CADM2: variants seen among roughly 807,000 people sequenced by gnomAD.
The protein encoded by CADM2 is cell adhesion molecule 2, also known as immunoglobulin superfamily member 4D.
In CADM2, 12 loss-of-function variants were observed where a neutral mutation model predicts 49.8. That is an observed-to-expected ratio of 0.24 (90% CI 0.15 to 0.39). The LOEUF (loss-of-function observed/expected upper bound fraction) is 0.39. Ranked by LOEUF, CADM2 falls within the 10% of genes least tolerant of loss-of-function variation. The pLI is 1.00. For missense variants in CADM2, 378 were observed against 492.3 expected (o/e 0.77, Z 2.20); for synonymous variants, 214 against 175.4 (o/e 1.22, Z -1.74).
At chr3:85,321,090 A>G (rs1282173775) in intron 1 of CADM2, among the ~76,000 whole-genome samples, 1 of 66,448 alleles carries the variant, frequency 1.5e-5, no homozygotes, top group African/African-American at 5.5e-5. Flanking sequence ...ATAGATATAT[A>G]CATATATATA....
chr3:85,736,790 T>C (rs981747709), intron 2 of CADM2, among the ~76,000 whole-genome samples: 3 of 152,010 alleles, frequency 2.0e-5, no homozygotes, highest in Non-Finnish European at 4.4e-5. Context: ...TGGCTGCTCA[T>C]GAAAAAACAG....
chr3:85,689,898 T>A (rs184000540), intron 1 of CADM2, among the ~76,000 whole-genome samples: 1 of 152,122 alleles, frequency 6.6e-6, no homozygotes, highest in Admixed American at 6.5e-5. Flanking sequence ...TAGTAAGAAG[T>A]TTGGTAAGAC....
chr3:85,193,368 TAAA>T (rs5850677), intron 1 of CADM2, among the ~76,000 whole-genome samples: 1 of 151,624 alleles, frequency 6.6e-6, no homozygotes, highest in African/African-American at 2.4e-5. Flanking sequence ...TAAAAAATCT[TAAA>T]AAATTTAGCA....
chr3:85,318,485 A>C lies in CADM2; in HGVS notation c.61+358817A>C, dbSNP rs775550815. Among the ~76,000 whole-genome samples, 23 of 152,284 alleles carry C rather than the reference A, an allele frequency of 1.5e-4. 1 individual carries two copies. Among genetic ancestry groups the C allele is most frequent in the South Asian group, 8.3e-4 (4 of 4,830 alleles). Reference sequence around the variant, plus strand: ...ATTCTGAACCTAGAGCCATCTTAGTAAAATTGCCAAAAACCAAACAGAAAA... The same window carrying C: ...ATTCTGAACCTAGAGCCATCTTAGTCAAATTGCCAAAAACCAAACAGAAAA... On this transcript the variant is annotated intron_variant, in intron 1 of 9. Coordinates refer to ENST00000383699, the MANE Select transcript of CADM2 (RefSeq NM_001167675.2).
At chr3:85,617,703 C>T (rs959804041) in intron 1 of CADM2, among the ~76,000 whole-genome samples, 1 of 152,116 alleles carries the variant, frequency 6.6e-6, no homozygotes, top group Non-Finnish European at 1.5e-5. Context: ...GACCAGTTCC[C>T]ATCCTGAAGC....
intron 3 of CADM2, among the ~76,000 whole-genome samples, chr3:85,861,641 T>C (rs2075538417): frequency 1.3e-5 from 2 of 152,110 alleles, no homozygotes; most frequent in African/African-American, 4.8e-5. Flanking sequence ...TTAAACATAT[T>C]AGCTTATATT....
At chr3:85,135,572 C>A (rs1402146540) in intron 1 of CADM2, among the ~76,000 whole-genome samples, 1 of 152,058 alleles carries the variant, frequency 6.6e-6, no homozygotes, top group Non-Finnish European at 1.5e-5. Flanking sequence ...AGAATACCAT[C>A]ACTGCTTTAC....
In CADM2 at chr3:85,512,019, A is replaced by T. The variant is rs139865876; in HGVS notation, c.62-214503A>T. ...TCTTTTAAAATTTTTTTCAACTCTCATTACATTCACAGGGTACATGTACAG... is the reference window on the plus strand; with the variant it reads ...TCTTTTAAAATTTTTTTCAACTCTCTTTACATTCACAGGGTACATGTACAG... On this transcript the variant is annotated intron_variant, in intron 1 of 9. Transcript: ENST00000383699. 482 of 264,018 alleles carry T rather than the reference A, an allele frequency of 1.8e-3. 4 individuals are homozygous for T. The highest frequency in any genetic ancestry group is 0.011 in the African/African-American group (461 of 43,476). 16.4% of individuals were successfully genotyped at this position (264,018 alleles called of 1,614,324 possible).
intron 1 of CADM2, among the ~76,000 whole-genome samples, chr3:85,344,252 G>C (rs1477577857): frequency 6.6e-6 from 1 of 151,636 alleles, no homozygotes. Context: ...GTGGTGGCAG[G>C]CACCTGTAGT....
At chr3:84,992,662 G>T (rs193288185) in intron 1 of CADM2, among the ~76,000 whole-genome samples, 3 of 152,034 alleles carry the variant, frequency 2.0e-5, no homozygotes, top group African/African-American at 7.2e-5. Flanking sequence ...CAAATAACTA[G>T]TTTTTTTGGT....
rs549051882 is a variant in CADM2, at chr3:86,068,495, A to C, written c.*1712A>C. ...CATGATGGCCTATGGTTTTAAAAAT[A>C]GTATTGTGGAATATATTTTTGGGTA... On this transcript the variant is annotated 3_prime_UTR_variant, in exon 10 of 10. Coordinates refer to ENST00000383699, the MANE Select transcript of CADM2 (RefSeq NM_001167675.2). The C allele has an allele frequency of 6.6e-6, 1 of 152,094 alleles. No individual in the cohort carries two copies. Among genetic ancestry groups the C allele is most frequent in the Non-Finnish European group, 1.5e-5 (1 of 67,844 alleles). The allele number at this position is 152,094 out of a possible 1,614,324, so 9.4% of individuals were successfully genotyped here.
At chr3:85,504,284 G>T (rs553387640) in intron 1 of CADM2, among the ~76,000 whole-genome samples, 62 of 151,968 alleles carry the variant, frequency 4.1e-4, no homozygotes, top group African/African-American at 1.4e-3. Context: ...GTGGGCTCGT[G>T]GTCTCGCTGG....
chr3:85,358,478 A>T (rs1004958968), intron 1 of CADM2, among the ~76,000 whole-genome samples: 2 of 152,112 alleles, frequency 1.3e-5, no homozygotes, highest in Non-Finnish European at 2.9e-5. Flanking sequence ...AGAACAGCAA[A>T]CTAGGCAGAT....
intron 1 of CADM2, among the ~76,000 whole-genome samples, chr3:85,336,465 T>G (rs2107173250): frequency 6.6e-6 from 1 of 151,590 alleles, no homozygotes; most frequent in South Asian, 2.1e-4. Flanking sequence ...TACGTAAAGC[T>G]CAATGGCAAA....
chr3:85,944,220 A>C (rs927783243), intron 7 of CADM2, among the ~76,000 whole-genome samples: 7 of 152,134 alleles, frequency 4.6e-5, no homozygotes, highest in Non-Finnish European at 8.8e-5. Flanking sequence ...AACAAGAGCG[A>C]ACTATCCTAA....
At chr3:85,425,203 A>G (rs2107507034) in intron 1 of CADM2, among the ~76,000 whole-genome samples, 1 of 152,296 alleles carries the variant, frequency 6.6e-6, no homozygotes, top group South Asian at 2.1e-4. Context: ...AATTAATTCT[A>G]AATAGAAAGT....
At chr3:85,532,952 G>A (rs1031381855) in intron 1 of CADM2, among the ~76,000 whole-genome samples, 1 of 152,186 alleles carries the variant, frequency 6.6e-6, no homozygotes, top group Non-Finnish European at 1.5e-5. Flanking sequence ...GGAGCTAGAT[G>A]ATGAGGAGTC....
intron 1 of CADM2, among the ~76,000 whole-genome samples, chr3:85,390,719 A>G (rs2034478502): frequency 6.6e-6 from 1 of 152,058 alleles, no homozygotes; most frequent in South Asian, 2.1e-4. Flanking sequence ...GCCAACACAT[A>G]AATAATCTCT....
At chr3:85,147,635 G>A (rs1342055705) in intron 1 of CADM2, among the ~76,000 whole-genome samples, 1 of 151,972 alleles carries the variant, frequency 6.6e-6, no homozygotes, top group East Asian at 1.9e-4. Flanking sequence ...AGTCTTCATA[G>A]ATATGTATTC....
Sources: gnomAD v4.1 joint callset for allele counts (sites outside exome capture counted in the v4.1 genomes callset) on GRCh38, gnomAD v4.1.1 for gene constraint, MANE v1.5 for transcripts, NCBI Gene and HGNC (gene_info 2026-07-23, HGNC 2026-07-21) for gene names.